Variants in ZFHX3 observed in about 807,000 individuals in gnomAD.
The protein encoded by ZFHX3 is zinc finger homeobox protein 3.
A neutral mutation model predicts 279.1 loss-of-function variants in ZFHX3; 42 were observed. That is an observed-to-expected ratio of 0.15 (90% CI 0.12 to 0.19). The LOEUF is 0.19. Among genes scored for constraint, ZFHX3 ranks in the 10% least tolerant of loss-of-function variants. ZFHX3 has a pLI of 1.00. For missense variants in ZFHX3, 4,981 were observed against 4,754.0 expected, an observed-to-expected ratio of 1.05 and a Z score of -1.40; for synonymous variants, 2,293 against 1,957.8, an observed-to-expected ratio of 1.17 and a Z score of -4.52.
chr16:73,115,173 G>T (rs1014024398), intron 7 of ZFHX3, among the ~76,000 whole-genome samples: 3 of 152,112 alleles, frequency 2.0e-5, no homozygotes, highest in African/African-American at 7.2e-5. Context: ...CTCAGCAGAC[G>T]CTGCTGAGTT....
At chr16:72,948,329 C>T (rs967581874) in intron 3 of ZFHX3, among the ~76,000 whole-genome samples, 3 of 152,172 alleles carry the variant, frequency 2.0e-5, no homozygotes, top group Admixed American at 6.5e-5. Context: ...ACCCTGCATC[C>T]CAACGCTCAG....
chr16:73,608,650 A>G (rs931171965), intron 2 of ZFHX3: 4 of 152,054 alleles, frequency 2.6e-5, no homozygotes, highest in Non-Finnish European at 5.9e-5. Context: ...CTTTTCCTCT[A>G]TTTGATGTGA....
Position 73,321,465 on chromosome 16 carries a change from T to G in ZFHX3, c.-1290-3129A>C, listed in dbSNP as rs112657584. On this transcript the variant is annotated intron_variant, in intron 3 of 17. Transcript: ENST00000641206. ...ATAACTCAGTCCAGGGCATGTACAT[T>G]TTATGAATTATTATTATTCCCTTTG... Among the ~76,000 whole-genome samples, 10 of 152,258 alleles carry G rather than the reference T, an allele frequency of 6.6e-5. 1 individual carries two copies. The highest frequency in any genetic ancestry group is 2.4e-4 in the African/African-American group (10 of 41,540).
At chr16:73,676,212 G>T (rs8051659) in intron 2 of ZFHX3, among the ~76,000 whole-genome samples, 92,428 of 151,770 alleles carry the variant, frequency 0.61, 28,797 homozygotes, top group East Asian at 0.82. Flanking sequence ...TATTATTTTT[G>T]ACTATAAATT....
chr16:73,348,446 G>A (rs1266035548), intron 3 of ZFHX3, among the ~76,000 whole-genome samples: 1 of 152,124 alleles, frequency 6.6e-6, no homozygotes, highest in African/African-American at 2.4e-5. Flanking sequence ...TTCAGACCCT[G>A]AAAGAATTCC....
intron 1 of ZFHX3, among the ~76,000 whole-genome samples, chr16:73,707,229 C>T (rs1023105663): frequency 6.6e-6 from 1 of 152,144 alleles, no homozygotes; most frequent in South Asian, 2.1e-4. Flanking sequence ...GCCAGGGTAA[C>T]CCCTTTACTT....
At chr16:73,166,560 A>G (rs554668481) in intron 5 of ZFHX3, among the ~76,000 whole-genome samples, 1 of 152,206 alleles carries the variant, frequency 6.6e-6, no homozygotes, top group Admixed American at 6.5e-5. Context: ...ATTGGGCAAG[A>G]GCACGGGGCA....
intron 3 of ZFHX3, among the ~76,000 whole-genome samples, chr16:72,898,824 A>AC (rs71391463): frequency 6.6e-6 from 1 of 151,628 alleles, no homozygotes; most frequent in Non-Finnish European, 1.5e-5. Context: ...GTGAATGAAC[A>AC]CCCCCTACAT....
chr16:73,546,716 CTGCTG>C, intron 2 of ZFHX3, among the ~76,000 whole-genome samples: 1 of 121,298 alleles, frequency 8.2e-6, no homozygotes, highest in Admixed American at 7.4e-5. Context: ...GCTGCTGCTG[CTGCTG>C]CTGCTGCTGC....
chr16:73,014,543 T>C (rs959832294), intron 1 of ZFHX3: 1 of 144,126 alleles, frequency 6.9e-6, no homozygotes, highest in Non-Finnish European at 1.5e-5. Context: ...TTTTTTTTTT[T>C]TTTGAGACAC....
chr16:73,555,541 A>T (rs1297438676), intron 2 of ZFHX3, among the ~76,000 whole-genome samples: 1 of 149,826 alleles, frequency 6.7e-6, no homozygotes, highest in Non-Finnish European at 1.5e-5. Context: ...CTTTGAAAGG[A>T]TGCAGTTGGC....
rs1206038747 is a variant in ZFHX3, at chr16:72,783,541, A to G, written c.*3623T>C. ...TGCCGTCTGTTTTACTTTATTTTCA[A>G]TTGTGTAAAACTTTGGCCACATTCA... On this transcript the variant is annotated 3_prime_UTR_variant, in exon 10 of 10. Transcript: ENST00000268489. 1 of 152,470 alleles carries G rather than the reference A, an allele frequency of 6.6e-6. No homozygotes were observed. Among genetic ancestry groups the G allele is most frequent in the Non-Finnish European group, 1.5e-5 (1 of 68,026 alleles). 9.4% of individuals were successfully genotyped at this position (152,470 alleles called of 1,614,324 possible). A position where few individuals can be genotyped will look rare whatever the true frequency, so the allele number is the denominator to read the frequency against.
At chr16:73,880,288 G>A (rs986938088) in intron 1 of ZFHX3, among the ~76,000 whole-genome samples, 14 of 152,066 alleles carry the variant, frequency 9.2e-5, no homozygotes, top group African/African-American at 2.9e-4. Flanking sequence ...AGAGGGCTGC[G>A]GAGCTATTTT....
At chr16:73,164,444 A>C (rs997794565) in intron 5 of ZFHX3, among the ~76,000 whole-genome samples, 3 of 152,204 alleles carry the variant, frequency 2.0e-5, no homozygotes, top group Non-Finnish European at 2.9e-5. Flanking sequence ...TCACACTTGT[A>C]ATCCCAGCAC....
intron 3 of ZFHX3, among the ~76,000 whole-genome samples, chr16:73,345,699 A>C (rs1480717672): frequency 6.6e-6 from 1 of 152,186 alleles, no homozygotes; most frequent in African/African-American, 2.4e-5. Context: ...TGCAATGAAC[A>C]TACAGTTGCA....
In ZFHX3 at chr16:73,760,009, G is replaced by GT. The variant is rs5817877; in HGVS notation, c.-1607-79770dup. ...CAAAACATCAATGAATCCAGGAGCT[G>GT]TTTTTTTTTAAAAAAAAATTAATAA... On this transcript the variant is annotated intron_variant, in intron 1 of 17. Coordinates refer to the ZFHX3 transcript ENST00000641206. Among the ~76,000 whole-genome samples, 523 of 145,082 alleles carry GT rather than the reference G, an allele frequency of 3.6e-3. 3 individuals are homozygous for GT. The highest frequency in any genetic ancestry group is 0.013 in the African/African-American group (482 of 38,214).
At chr16:73,237,713 C>A (rs777497057) in intron 5 of ZFHX3, among the ~76,000 whole-genome samples, 2 of 152,030 alleles carry the variant, frequency 1.3e-5, no homozygotes, top group Non-Finnish European at 2.9e-5. Flanking sequence ...CGCCTCACTT[C>A]TTCACCATGA....
At chr16:73,078,012 C>A (rs1169929624) in intron 8 of ZFHX3, among the ~76,000 whole-genome samples, 1 of 152,164 alleles carries the variant, frequency 6.6e-6, no homozygotes, top group East Asian at 1.9e-4. Context: ...ATCATGTTGA[C>A]CAGGCTGGTC....
intron 3 of ZFHX3, among the ~76,000 whole-genome samples, chr16:72,943,160 C>T (rs374352501): frequency 1.3e-5 from 2 of 152,190 alleles, no homozygotes; most frequent in Non-Finnish European, 2.9e-5. Context: ...GTACAGCTAG[C>T]CATTGAATTT....
Sources: gnomAD v4.1 joint callset for allele counts (sites outside exome capture counted in the v4.1 genomes callset) on GRCh38, gnomAD v4.1.1 for gene constraint, MANE v1.5 for transcripts, NCBI Gene and HGNC (gene_info 2026-07-23, HGNC 2026-07-21) for gene names.